Variants in RBFOX1 observed in about 807,000 individuals in gnomAD.
RBFOX1 encodes RNA binding protein fox-1 homolog 1.
RBFOX1 carries 8 observed loss-of-function variants against 57.7 expected under a neutral mutation model. The observed-to-expected ratio is 0.14, with a 90% CI of 0.08 to 0.25. The LOEUF is 0.25. Ranked by LOEUF, RBFOX1 falls within the 10% of genes least tolerant of loss-of-function variation. The pLI is 1.00. For synonymous variants in RBFOX1, 326 were observed against 222.4 expected, an observed-to-expected ratio of 1.47 and a Z score of -4.15; for missense variants, 611 against 548.5, an observed-to-expected ratio of 1.11 and a Z score of -1.14.
chr16:5,424,132 T>G (rs1378391435), intron 1 of RBFOX1, among the ~76,000 whole-genome samples: 1 of 152,220 alleles, frequency 6.6e-6, no homozygotes, highest in Non-Finnish European at 1.5e-5. Context: ...CAGTAATCCC[T>G]CATGGTTAAT....
intron 2 of RBFOX1, among the ~76,000 whole-genome samples, chr16:6,518,710 C>T (rs960367870): frequency 1.9e-4 from 29 of 151,948 alleles, no homozygotes; most frequent in Middle Eastern, 3.4e-3. Flanking sequence ...TCTGTCCATC[C>T]GTCCGTCCGT....
chr16:7,134,824 T>C (rs1020394851), intron 4 of RBFOX1, among the ~76,000 whole-genome samples: 2 of 152,148 alleles, frequency 1.3e-5, no homozygotes, highest in African/African-American at 2.4e-5. Context: ...ATGCAGATAA[T>C]GTTTGTGATG....
At chr16:7,469,786 A>G (rs568716502) in intron 4 of RBFOX1, among the ~76,000 whole-genome samples, 2 of 152,124 alleles carry the variant, frequency 1.3e-5, no homozygotes, top group South Asian at 2.1e-4. Flanking sequence ...TGATCTCCAG[A>G]ACTTTTTCAT....
chr16:6,317,131 T>C (rs963355600), intron 2 of RBFOX1, 74 bp downstream of exon 2: 23 of 1,371,196 alleles, frequency 1.7e-5, no homozygotes, highest in African/African-American at 5.8e-5. Flanking sequence ...TCTGAAAAGC[T>C]CTTTTCTGCA....
chr16:6,896,163 C>T (rs1476728125), intron 3 of RBFOX1, among the ~76,000 whole-genome samples: 2 of 152,080 alleles, frequency 1.3e-5, no homozygotes, highest in African/African-American at 4.8e-5. Flanking sequence ...ATCCCAGCTA[C>T]TCAGGAGGCT....
intron 1 of RBFOX1, among the ~76,000 whole-genome samples, chr16:5,329,447 A>C (rs2064682958): frequency 6.6e-6 from 1 of 152,126 alleles, no homozygotes; most frequent in Non-Finnish European, 1.5e-5. Context: ...ACAGCACCAA[A>C]GGGGAAATCT....
At chr16:7,402,266 C>A (rs2098257391) in intron 4 of RBFOX1, among the ~76,000 whole-genome samples, 1 of 152,086 alleles carries the variant, frequency 6.6e-6, no homozygotes, top group Non-Finnish European at 1.5e-5. Flanking sequence ...TTATTCAGTC[C>A]CGGACGTTGT....
At chr16:7,403,639 C>G (rs1162425009) in intron 4 of RBFOX1, among the ~76,000 whole-genome samples, 1 of 150,862 alleles carries the variant, frequency 6.6e-6, no homozygotes, top group Admixed American at 6.6e-5. Context: ...CTCCGCCTCC[C>G]AAGTTCAAGT....
chr16:7,057,041 A>G (rs2052543733), intron 4 of RBFOX1, among the ~76,000 whole-genome samples: 1 of 152,010 alleles, frequency 6.6e-6, no homozygotes, highest in South Asian at 2.1e-4. Flanking sequence ...AAAAAAAAAA[A>G]AATGCAGGCC....
chr16:5,475,930 A>T (rs914727957), intron 2 of RBFOX1, among the ~76,000 whole-genome samples: 1 of 152,160 alleles, frequency 6.6e-6, no homozygotes, highest in African/African-American at 2.4e-5. Flanking sequence ...CCTGGCCTCC[A>T]AAGTGTGGCT....
rs183613935 is a variant in RBFOX1 at position 6,565,232 on chromosome 16, A to T, written c.-63-89371A>T. On this transcript the variant is annotated intron_variant, in intron 2 of 15. Coordinates refer to ENST00000550418, the MANE Select transcript of RBFOX1 (RefSeq NM_018723.4). ...AAAGTACAAATAGCCATAGGCCCCC[A>T]AATGTGAAATGACTTTTTCTTTTCT... 7.9e-4 allele frequency among the ~76,000 whole-genome samples: 119 copies of T among 150,832 alleles called. 1 individual carries two copies. The highest frequency in any genetic ancestry group is 2.8e-3 in the African/African-American group (115 of 41,292).
chr16:6,015,698 C>T (rs2094989363), upstream of RBFOX1, among the ~76,000 whole-genome samples: 1 of 152,216 alleles, frequency 6.6e-6, no homozygotes, highest in Non-Finnish European at 1.5e-5. Context: ...GAATATCCAT[C>T]ACCCAACTCT....
intron 2 of RBFOX1, among the ~76,000 whole-genome samples, chr16:6,595,919 T>C (rs2097772521): frequency 6.6e-6 from 1 of 152,212 alleles, no homozygotes; most frequent in African/African-American, 2.4e-5. Flanking sequence ...TTTGTCTTTT[T>C]ATTAAGTTTT....
intron 1 of RBFOX1, among the ~76,000 whole-genome samples, chr16:5,357,595 G>C (rs967326845): frequency 1.3e-5 from 2 of 152,208 alleles, no homozygotes; most frequent in East Asian, 3.9e-4. Context: ...GGTCCAGGTA[G>C]GTTATGTGAT....
chr16:6,682,234 C>A (rs1036820844), intron 3 of RBFOX1, among the ~76,000 whole-genome samples: 15 of 152,134 alleles, frequency 9.9e-5, no homozygotes, highest in Non-Finnish European at 1.9e-4. Flanking sequence ...ACAGAGTCAG[C>A]GCTTTCAGCT....
At chr16:7,469,853 A>C (rs1442801320) in intron 4 of RBFOX1, among the ~76,000 whole-genome samples, 1 of 152,162 alleles carries the variant, frequency 6.6e-6, no homozygotes, top group Non-Finnish European at 1.5e-5. Flanking sequence ...TCCTGCTCGC[A>C]GCCCCTGGCT....
intron 2 of RBFOX1, among the ~76,000 whole-genome samples, chr16:5,520,154 G>C (rs181198467): frequency 6.6e-6 from 1 of 152,324 alleles, no homozygotes; most frequent in East Asian, 1.9e-4. Context: ...AGGGGAAAGA[G>C]GAAGAGGCTA....
At chr16:5,738,618 A>G (rs2052664010) in intron 3 of RBFOX1, among the ~76,000 whole-genome samples, 1 of 133,482 alleles carries the variant, frequency 7.5e-6, no homozygotes, top group Non-Finnish European at 1.6e-5. Context: ...TGGGCGACAG[A>G]GCAAGGCTCT....
At chr16:5,915,836 G>GA (rs371995738) in intron 4 of RBFOX1, among the ~76,000 whole-genome samples, 26 of 146,422 alleles carry the variant, frequency 1.8e-4, no homozygotes, top group African/African-American at 5.5e-4. Context: ...AGTATAAAAA[G>GA]AAAAAAAAAA....
Sources: allele counts gnomAD v4.1 joint callset (sites outside exome capture counted in the v4.1 genomes callset), GRCh38; gene constraint gnomAD v4.1.1; transcripts MANE v1.5; gene names NCBI Gene and HGNC (gene_info 2026-07-23, HGNC 2026-07-21).